The following PREX2 variants were observed in gnomAD, a reference collection of about 807,000 sequenced individuals.
The protein encoded by PREX2 is phosphatidylinositol-3,4,5-trisphosphate dependent Rac exchange factor 2.
In PREX2, 107 loss-of-function variants were observed where a neutral mutation model predicts 203.2. The ratio of observed to expected loss-of-function variants is 0.53; its 90% CI spans 0.45 to 0.62. The LOEUF (loss-of-function observed/expected upper bound fraction) is 0.62. Ranked by LOEUF, PREX2 falls within the 20% of genes least tolerant of loss-of-function variation. PREX2 has a pLI of 0.00. For synonymous variants in PREX2, 672 were observed against 663.6 expected (o/e 1.01, Z -0.19); for missense variants, 1,777 against 1,955.9 (o/e 0.91, Z 1.72).
At chr8:67,955,170 A>AAAAAAAAAAAAAAAT in intron 1 of PREX2, among the ~76,000 whole-genome samples, 1 of 139,410 alleles carries the variant, frequency 7.2e-6, no homozygotes, top group African/African-American at 2.7e-5. Flanking sequence ...AAAAAAAAAA[A>AAAAAAAAAAAAAAAT]AGAAATCATA....
chr8:68,199,222 G>A (rs906862126), intron 37 of PREX2, among the ~76,000 whole-genome samples: 35 of 152,120 alleles, frequency 2.3e-4, no homozygotes, highest in African/African-American at 7.2e-4. Context: ...AGAAAGTCTG[G>A]CAAGACCAGC....
chr8:68,145,770 G>C (rs1811313298), intron 33 of PREX2, among the ~76,000 whole-genome samples: 1 of 152,094 alleles, frequency 6.6e-6, no homozygotes, highest in African/African-American at 2.4e-5. Flanking sequence ...TCAGGGAATA[G>C]AGCTTGCAGA....
At chr8:68,148,733 A>G (rs1056566247) in intron 34 of PREX2, among the ~76,000 whole-genome samples, 8 of 152,388 alleles carry the variant, frequency 5.2e-5, no homozygotes, top group African/African-American at 1.9e-4. Flanking sequence ...GATTTGAATA[A>G]GTAACAGTAG....
chr8:68,188,685 G>A (rs765707009), intron 35 of PREX2, among the ~76,000 whole-genome samples: 14 of 152,110 alleles, frequency 9.2e-5, no homozygotes, highest in Non-Finnish European at 1.8e-4. Context: ...CTTGTGCAGG[G>A]GAACTCTCAT....
At chr8:68,106,364 A>G (rs1393828459) in intron 23 of PREX2, 1 of 510,690 alleles carries the variant, frequency 2.0e-6, no homozygotes, top group African/African-American at 1.9e-5. Flanking sequence ...TTATTAGTAA[A>G]GTGATGGGAT....
chr8:68,097,703 C>G (rs1810127389), intron 22 of PREX2, among the ~76,000 whole-genome samples: 1 of 152,238 alleles, frequency 6.6e-6, no homozygotes. Context: ...CCTTTTGGAG[C>G]ACAGTGTTAA....
intron 18 of PREX2, among the ~76,000 whole-genome samples, chr8:68,087,036 G>C (rs1215391740): frequency 1.3e-5 from 2 of 152,054 alleles, no homozygotes; most frequent in East Asian, 3.9e-4. Flanking sequence ...AGTAAACTAA[G>C]GAGAAAAGTT....
chr8:68,098,974 A>C (rs867642650), intron 22 of PREX2, among the ~76,000 whole-genome samples: 34 of 131,670 alleles, frequency 2.6e-4, no homozygotes, highest in African/African-American at 4.4e-4. Context: ...ATATATATAT[A>C]TATCTCACAT....
chr8:67,993,400 C>CTTTTTTTT (rs5892121), intron 1 of PREX2, among the ~76,000 whole-genome samples: 3 of 108,226 alleles, frequency 2.8e-5, no homozygotes, highest in African/African-American at 3.2e-5. Context: ...TTACTTCAGT[C>CTTTTTTTT]TTTTTTTTTT....
chr8:68,226,077 C>T (rs959829209), intron 39 of PREX2, among the ~76,000 whole-genome samples: 57 of 151,982 alleles, frequency 3.8e-4, no homozygotes, highest in African/African-American at 1.3e-3. Flanking sequence ...CGAAACGAAA[C>T]GCAATAAAAT....
At chr8:68,080,418 A>C (rs775873046) in intron 15 of PREX2, 25 bp from the exon 16 acceptor site, 2 of 1,604,914 alleles carry the variant, frequency 1.2e-6, no homozygotes, top group Admixed American at 3.5e-5. Context: ...TAGCTGAAAT[A>C]ATTTGCATCT....
chr8:67,997,866 T>C (rs1806811429), intron 1 of PREX2, among the ~76,000 whole-genome samples: 1 of 152,228 alleles, frequency 6.6e-6, no homozygotes, highest in African/African-American at 2.4e-5. Context: ...TTAAAAATAT[T>C]GAGCTCTTCA....
intron 7 of PREX2, among the ~76,000 whole-genome samples, chr8:68,039,826 T>A (rs1471929101): frequency 6.6e-6 from 1 of 152,196 alleles, no homozygotes; most frequent in Admixed American, 6.6e-5. Flanking sequence ...CTCTCCATCA[T>A]CATTACTACT....
intron 33 of PREX2, among the ~76,000 whole-genome samples, chr8:68,139,584 G>A (rs1811184978): frequency 6.6e-6 from 1 of 152,162 alleles, no homozygotes; most frequent in African/African-American, 2.4e-5. Context: ...GTGTTAAATA[G>A]ACTATTCTAG....
chr8:68,220,666 G>A (rs1195529583), intron 38 of PREX2, among the ~76,000 whole-genome samples: 2 of 152,050 alleles, frequency 1.3e-5, no homozygotes, highest in African/African-American at 4.8e-5. Flanking sequence ...CTCAGAACAG[G>A]GAGCAAATGA....
In PREX2 at chr8:68,127,550, G is replaced by A. The variant is rs1810918674; in HGVS notation, c.3766+131G>A. 3 of 537,854 alleles carry A rather than the reference G, an allele frequency of 5.6e-6. No homozygotes were observed. In the South Asian group the frequency reaches 9.1e-5, roughly 16 times the overall value. The allele number at this position is 537,854 out of a possible 1,614,324, so 33.3% of individuals were successfully genotyped here. A position where few individuals can be genotyped will look rare whatever the true frequency, so the allele number is the denominator to read the frequency against. On this transcript the variant is annotated intron_variant, in intron 31 of 39. Transcript: ENST00000288368. ...AAATATGATCCCTACCTTCTCCAAA[G>A]CTTTGGAAAGATTAGAAAAAGTACT... is the stretch of plus-strand genomic sequence containing the variant.
At chr8:68,161,967 C>T (rs985314192) in intron 35 of PREX2, among the ~76,000 whole-genome samples, 2 of 152,170 alleles carry the variant, frequency 1.3e-5, no homozygotes, top group African/African-American at 4.8e-5. Context: ...TCACATCTTA[C>T]ATGGCAGCAG....
At chr8:68,002,333 GAT>G (rs1430705757) in intron 1 of PREX2, among the ~76,000 whole-genome samples, 2 of 151,988 alleles carry the variant, frequency 1.3e-5, no homozygotes, top group African/African-American at 2.4e-5. Context: ...TTTTAGTAGA[GAT>G]AGTGTTTTGC....
intron 21 of PREX2, among the ~76,000 whole-genome samples, chr8:68,094,503 A>G (rs1056534358): frequency 3.3e-5 from 5 of 152,198 alleles, no homozygotes; most frequent in Admixed American, 2.0e-4. Context: ...TATGTCTGCA[A>G]TTGACAAATA....
Sources: gnomAD v4.1 joint callset for allele counts (sites outside exome capture counted in the v4.1 genomes callset) on GRCh38, gnomAD v4.1.1 for gene constraint, MANE v1.5 for transcripts, NCBI Gene and HGNC (gene_info 2026-07-23, HGNC 2026-07-21) for gene names.